Variants in NOX4 observed in about 807,000 individuals in gnomAD.
The protein encoded by NOX4 is kidney oxidase-1.
NOX4 carries 69 observed loss-of-function variants against 87.6 expected under a neutral mutation model. That is an observed-to-expected ratio of 0.79 (90% CI 0.65 to 0.96). The LOEUF (loss-of-function observed/expected upper bound fraction) is 0.96. NOX4 is among the 40% of genes least tolerant of loss of function. The pLI is 0.00. For synonymous variants in NOX4, 275 were observed against 238.2 expected, an observed-to-expected ratio of 1.15 and a Z score of -1.42; for missense variants, 680 against 681.5, an observed-to-expected ratio of 1.00 and a Z score of 0.02.
chr11:89,342,670 G>T (rs317182), intron 13 of NOX4, among the ~76,000 whole-genome samples: 3,904 of 152,194 alleles, frequency 0.026, 153 homozygotes, highest in African/African-American at 0.089. Context: ...GTAAGGAAAA[G>T]AATCTAACAC....
At chr11:89,393,897 T>A (rs1941294900) in intron 11 of NOX4, among the ~76,000 whole-genome samples, 1 of 152,166 alleles carries the variant, frequency 6.6e-6, no homozygotes, top group East Asian at 1.9e-4. Flanking sequence ...ATTTCACATA[T>A]AATTCAATTT....
intron 7 of NOX4, among the ~76,000 whole-genome samples, chr11:89,424,553 T>C (rs919902243): frequency 6.6e-6 from 1 of 151,954 alleles, no homozygotes; most frequent in Non-Finnish European, 1.5e-5. Flanking sequence ...GTTTCACTCT[T>C]GAGTATAACC....
chr11:89,468,483 T>C (rs1295023926), intron 2 of NOX4, among the ~76,000 whole-genome samples: 1 of 152,232 alleles, frequency 6.6e-6, no homozygotes, highest in East Asian at 1.9e-4. Flanking sequence ...GGATGCTATC[T>C]GCTAATTTTA....
the NOX4 span, among the ~76,000 whole-genome samples, chr11:89,565,985 T>G: frequency 6.6e-6 from 1 of 152,118 alleles, no homozygotes; most frequent in African/African-American, 2.4e-5. Flanking sequence ...CACTAATGAT[T>G]TAAGACAGCT....
chr11:89,423,857 C>G (rs1287392450), intron 7 of NOX4, among the ~76,000 whole-genome samples: 1 of 151,728 alleles, frequency 6.6e-6, no homozygotes, highest in Non-Finnish European at 1.5e-5. Context: ...AGTCTGAGAC[C>G]AGCCTGGAAA....
intron 12 of NOX4, among the ~76,000 whole-genome samples, chr11:89,369,108 G>C (rs4127488): frequency 6.6e-6 from 1 of 152,050 alleles, no homozygotes; most frequent in South Asian, 2.1e-4. Flanking sequence ...TCAGGGCTCT[G>C]TTCAGAGAGC....
intron 15 of NOX4, among the ~76,000 whole-genome samples, chr11:89,338,023 C>T (rs1027878625): frequency 5.3e-5 from 8 of 151,938 alleles, no homozygotes; most frequent in African/African-American, 1.9e-4. Context: ...TACAAAAATG[C>T]ACGAGGCAAA....
chr11:89,432,735 C>A, intron 7 of NOX4, 49 bp downstream of exon 7: 2 of 1,358,040 alleles, frequency 1.5e-6, no homozygotes, highest in South Asian at 1.2e-5. Context: ...AAGACTTTTT[C>A]TAAATAACCT....
At chr11:89,547,657 C>T in the NOX4 span, among the ~76,000 whole-genome samples, 2 of 152,058 alleles carry the variant, frequency 1.3e-5, no homozygotes, top group African/African-American at 2.4e-5. Flanking sequence ...ACAGTGGTTG[C>T]CAAACTTGGC....
the NOX4 span, among the ~76,000 whole-genome samples, chr11:89,583,185 AAT>A: frequency 2.0e-5 from 3 of 152,150 alleles, no homozygotes; most frequent in Non-Finnish European, 4.4e-5. Context: ...TACTTTTACA[AAT>A]ATGATAAGAT....
At chr11:89,436,902 G>A (rs1339597428) in intron 6 of NOX4, among the ~76,000 whole-genome samples, 2 of 151,914 alleles carry the variant, frequency 1.3e-5, no homozygotes, top group Admixed American at 1.3e-4. Context: ...AGTAAGTTTA[G>A]CCACTATATT....
Position 89,402,424 on chromosome 11 carries a change from G to T in NOX4, c.748C>A (p.Pro250Thr), listed in dbSNP as rs201676793. ...GGTTTTGAAAATCCTTCAGGGAAAG[G>T]TTCATGAAAATGTTCTGAGAAATAC... ...PEYFSEHFHE[P>T]FPEGFSKPAE... Residue 250 changes from proline to threonine, a missense_variant, in exon 9 of 18, where the codon CCT becomes ACT. Coordinates refer to ENST00000263317, the MANE Select transcript of NOX4 (RefSeq NM_016931.5). 248 of 1,613,222 alleles carry T rather than the reference G, an allele frequency of 1.5e-4. 2 individuals are homozygous for T. The highest frequency in any genetic ancestry group is 1.1e-3 in the South Asian group (104 of 91,004).
At chr11:89,551,916 T>C in the NOX4 span, among the ~76,000 whole-genome samples, 1 of 152,156 alleles carries the variant, frequency 6.6e-6, no homozygotes, top group Non-Finnish European at 1.5e-5. Context: ...CAGTATGATA[T>C]TGGCTGTGGA....
Position 89,373,428 on chromosome 11 carries a change from A to G in NOX4, c.1135+4T>C, listed in dbSNP as rs1291461874. The G allele has an allele frequency of 2.5e-5, 39 of 1,548,510 alleles. No individual in the cohort carries two copies. The highest frequency in any genetic ancestry group is 3.5e-5 in the Non-Finnish European group (39 of 1,122,658). ...TGTATCTTAAAACTGTATGTTCTAC[A>G]TACCTGTCCAGTCTCCTACTATTTT... On this transcript the variant is annotated splice_donor_region_variant and intron_variant, in intron 12 of 17. Coordinates refer to ENST00000263317, the MANE Select transcript of NOX4 (RefSeq NM_016931.5).
chr11:89,412,452 A>G (rs1189686194), intron 8 of NOX4, among the ~76,000 whole-genome samples: 1 of 152,176 alleles, frequency 6.6e-6, no homozygotes, highest in East Asian at 1.9e-4. Flanking sequence ...ACTTGAAATA[A>G]TATCAAGCAC....
At chr11:89,461,602 G>A (rs1042733207) in intron 2 of NOX4, among the ~76,000 whole-genome samples, 3 of 150,012 alleles carry the variant, frequency 2.0e-5, no homozygotes, top group Admixed American at 6.6e-5. Flanking sequence ...CCGAGATCGC[G>A]CCACTGCACT....
intron 2 of NOX4, among the ~76,000 whole-genome samples, chr11:89,459,669 C>T (rs1041728793): frequency 6.6e-6 from 1 of 151,976 alleles, no homozygotes; most frequent in African/African-American, 2.4e-5. Flanking sequence ...AGGATACAAA[C>T]AAATGGAAGA....
intron 4 of NOX4, among the ~76,000 whole-genome samples, 199 bp downstream of exon 4, chr11:89,449,241 C>G (rs887230341): frequency 1.2e-4 from 18 of 152,102 alleles, no homozygotes; most frequent in African/African-American, 4.1e-4. Context: ...ACAAACCACA[C>G]GACAATCTTA....
chr11:89,493,721 TTTATTATTATTA>T (rs200679523), upstream of NOX4, among the ~76,000 whole-genome samples: 1,966 of 142,274 alleles, frequency 0.014, 24 homozygotes, highest in African/African-American at 0.03. Flanking sequence ...GCCAGATTGT[TTTATTATTATTA>T]TTATTATTAT....
Sources: allele counts gnomAD v4.1 joint callset (sites outside exome capture counted in the v4.1 genomes callset), GRCh38; gene constraint gnomAD v4.1.1; transcripts MANE v1.5; gene names NCBI Gene and HGNC (gene_info 2026-07-23, HGNC 2026-07-21).